MYO10: variants seen among roughly 807,000 people sequenced by gnomAD.
MYO10 encodes the protein myosin X.
MYO10 carries 133 observed loss-of-function variants against 257.3 expected under a neutral mutation model. That is an observed-to-expected ratio of 0.52 (90% CI 0.45 to 0.60). MYO10 has a LOEUF of 0.60. Among genes scored for constraint, MYO10 ranks in the 20% least tolerant of loss-of-function variants. The probability of loss-of-function intolerance (pLI) is 0.00; values close to 1 mark genes in which losing one functional copy is unlikely to be tolerated. For missense variants in MYO10, 2,399 were observed against 2,635.7 expected (o/e 0.91, Z 1.97); for synonymous variants, 1,104 against 1,028.6 (o/e 1.07, Z -1.40).
chr5:16,902,216 T>TC, intron 1 of MYO10: 1 of 672,130 alleles, frequency 1.5e-6, no homozygotes, highest in Non-Finnish European at 2.6e-6. Flanking sequence ...CGGCTAATTT[T>TC]TTTTTTTTTA....
intron 19 of MYO10, among the ~76,000 whole-genome samples, chr5:16,724,918 G>A (rs1293413498): frequency 6.6e-6 from 1 of 152,058 alleles, no homozygotes; most frequent in Non-Finnish European, 1.5e-5. Context: ...AACACAGTAT[G>A]CATGTGTGTG....
Position 16,936,062 on chromosome 5 carries a change from A to T in MYO10, c.-254T>A. The stretch of plus-strand genomic sequence containing the variant: ...CTCCAAGTTCCTCACTACTGGGCGC[A>T]GCGCTCGCAAGCGGAGAACAGCTGG... On this transcript the variant is annotated 5_prime_UTR_variant, in exon 1 of 41. Coordinates refer to ENST00000513610, the MANE Select transcript of MYO10 (RefSeq NM_012334.3). 1 of 519,744 alleles carries T rather than the reference A, an allele frequency of 1.9e-6. No homozygotes were observed. Among genetic ancestry groups the T allele is most frequent in the Non-Finnish European group, 3.4e-6 (1 of 292,066 alleles). The allele number at this position is 519,744 out of a possible 1,614,324, so 32.2% of individuals were successfully genotyped here. A position where few individuals can be genotyped will look rare whatever the true frequency, so the allele number is the denominator to read the frequency against.
intron 23 of MYO10, 108 bp downstream of exon 23, chr5:16,702,817 T>G (rs1039137378): frequency 9.2e-6 from 10 of 1,082,982 alleles, no homozygotes; most frequent in African/African-American, 1.6e-5. Flanking sequence ...CTGTTTCAAA[T>G]TGTAGGTTCT....
chr5:16,744,943 C>T (rs1740141911), intron 19 of MYO10, among the ~76,000 whole-genome samples: 1 of 152,212 alleles, frequency 6.6e-6, no homozygotes, highest in African/African-American at 2.4e-5. Flanking sequence ...ATTTGACACG[C>T]TCCTATGAAC....
In MYO10 at chr5:16,769,159, T is replaced by C; in HGVS notation, c.975A>G (p.Glu325=). 1 of 1,612,774 alleles carries C rather than the reference T, an allele frequency of 6.2e-7. No homozygotes were observed. Among genetic ancestry groups the C allele is most frequent in the South Asian group, 1.1e-5 (1 of 90,644 alleles). ...GTATACCAGCAAGCAGCCTCGACAC[T>C]TCCCGAACTTCCTCCTTGCTGAACT... is the stretch of plus-strand genomic sequence containing the variant. The part of the protein sequence containing the change: ...VMQFSKEEVR[E]VSRLLAGILH... Residue 325 remains glutamate (E), a synonymous_variant, in exon 10 of 41, where the codon GAA becomes GAG. Coordinates refer to ENST00000513610, the MANE Select transcript of MYO10 (RefSeq NM_012334.3).
At position 16,877,524 on chromosome 5, in the gene MYO10, A is replaced by G; in HGVS notation, c.120+85T>C. The G allele has an allele frequency of 9.0e-6, 9 of 1,000,188 alleles. No homozygotes were observed. The South Asian group carries it at 1.2e-4, about 14-fold the overall frequency. 62.0% of individuals were successfully genotyped at this position (1,000,188 alleles called of 1,614,324 possible). A position where few individuals can be genotyped will look rare whatever the true frequency, so the allele number is the denominator to read the frequency against. On this transcript the variant is annotated intron_variant, in intron 2 of 40. Transcript: ENST00000513610. ...AAAAATGTAAAGCGTGTGTATGTGT[A>G]GGGGGGCCAAGCACACATGCCCTGG... is the stretch of plus-strand genomic sequence containing the variant.
chr5:16,935,211 G>A (rs1346105417), intron 1 of MYO10, among the ~76,000 whole-genome samples: 2 of 152,044 alleles, frequency 1.3e-5, no homozygotes, highest in African/African-American at 4.8e-5. Context: ...ACAAATACAT[G>A]ATCATTTGAT....
At chr5:16,718,350 G>C (rs370613682) in intron 19 of MYO10, among the ~76,000 whole-genome samples, 1 of 152,202 alleles carries the variant, frequency 6.6e-6, no homozygotes, top group Non-Finnish European at 1.5e-5. Flanking sequence ...GCACGGCGCA[G>C]GACTGGCAGG....
chr5:16,668,248 T>G (rs1736268273), intron 40 of MYO10, 29 bp downstream of exon 40: 1 of 1,578,582 alleles, frequency 6.3e-7, no homozygotes, highest in Non-Finnish European at 8.6e-7. Context: ...AGACCATGAA[T>G]AAAAAGATGA....
chr5:16,907,474 G>A (rs1467972327), intron 1 of MYO10, among the ~76,000 whole-genome samples: 4 of 151,876 alleles, frequency 2.6e-5, no homozygotes, highest in African/African-American at 7.3e-5. Flanking sequence ...AACAGGTCAC[G>A]GGAGATTGCA....
At chr5:16,687,486 C>T (rs532445039) in intron 28 of MYO10, among the ~76,000 whole-genome samples, 1 of 151,106 alleles carries the variant, frequency 6.6e-6, no homozygotes, top group South Asian at 2.1e-4. Context: ...GCTAGGGTAT[C>T]CTTCTCCTGC....
intron 1 of MYO10, among the ~76,000 whole-genome samples, chr5:16,929,293 C>T (rs1202885676): frequency 2.0e-5 from 3 of 152,112 alleles, no homozygotes; most frequent in Admixed American, 1.3e-4. Flanking sequence ...CATTTTCCTG[C>T]GGAGTTTTCA....
At chr5:16,915,801 T>C (rs1470160860) in intron 1 of MYO10, among the ~76,000 whole-genome samples, 1 of 151,830 alleles carries the variant, frequency 6.6e-6, no homozygotes, top group South Asian at 2.1e-4. Context: ...AATAAAAATA[T>C]AAAAAATTAG....
In MYO10 at chr5:16,825,168, G is replaced by GCACCAGT. The variant is rs1742962963; in HGVS notation, c.121-7002_121-7001insACTGGTG. On this transcript the variant is annotated intron_variant, in intron 2 of 40. Transcript: ENST00000513610. The stretch of plus-strand genomic sequence containing the variant: ...CCCTGGATCTTGCACCTCTTCCCAT[G>GCACCAGT]TCTGGGCAACTGTCTTCCTGCTACT... Among the ~76,000 whole-genome samples the GCACCAGT allele has an allele frequency of 3.3e-5, 5 of 152,126 alleles. No individual in the cohort carries two copies. The South Asian group carries it at 1.0e-3, about 32-fold the overall frequency.
rs1331997639 is a variant in MYO10 at position 16,888,180 on chromosome 5, C to G, written c.22-10473G>C. Among the ~76,000 whole-genome samples, 4 of 152,242 alleles carry G rather than the reference C, an allele frequency of 2.6e-5. No individual in the cohort carries two copies. In the East Asian group the frequency reaches 7.7e-4, roughly 29 times the overall value. On this transcript the variant is annotated intron_variant, in intron 1 of 40. Coordinates refer to ENST00000513610, the MANE Select transcript of MYO10 (RefSeq NM_012334.3). ...TCCTTCCACCAAATATCTCCTAACA[C>G]CCCCTCCCCAATCATATACCAGGCA...
chr5:16,744,624 G>C (rs1740131318), intron 19 of MYO10, among the ~76,000 whole-genome samples: 1 of 151,842 alleles, frequency 6.6e-6, no homozygotes, highest in Non-Finnish European at 1.5e-5. Flanking sequence ...AGGCCCTGCG[G>C]GTAACTAAGC....
chr5:16,790,698 C>T (rs145633081), intron 4 of MYO10, among the ~76,000 whole-genome samples: 1 of 152,234 alleles, frequency 6.6e-6, no homozygotes, highest in African/African-American at 2.4e-5. Context: ...CCAATTAAAC[C>T]TCTTTCTTTT....
At chr5:16,741,625 T>G (rs905450151) in intron 19 of MYO10, among the ~76,000 whole-genome samples, 2 of 152,198 alleles carry the variant, frequency 1.3e-5, no homozygotes, top group Admixed American at 6.5e-5. Context: ...AAAAAAAAAT[T>G]TGTAGTTCAA....
At chr5:16,813,885 T>A (rs993736509) in intron 3 of MYO10, among the ~76,000 whole-genome samples, 1 of 152,084 alleles carries the variant, frequency 6.6e-6, no homozygotes, top group Non-Finnish European at 1.5e-5. Flanking sequence ...GCACTGAAGA[T>A]GAAGAAAGGG....
Sources: allele counts gnomAD v4.1 joint callset (sites outside exome capture counted in the v4.1 genomes callset), GRCh38; gene constraint gnomAD v4.1.1; transcripts MANE v1.5; gene names NCBI Gene and HGNC (gene_info 2026-07-23, HGNC 2026-07-21).